Variants in TBC1D22A observed in about 807,000 individuals in gnomAD.
The protein encoded by TBC1D22A is TBC1 domain family member 22A.
TBC1D22A carries 38 observed loss-of-function variants against 60.2 expected under a neutral mutation model. The ratio of observed to expected loss-of-function variants is 0.63; its 90% CI spans 0.49 to 0.83. TBC1D22A has a LOEUF of 0.83. Among genes scored for constraint, TBC1D22A ranks in the 40% least tolerant of loss-of-function variants. TBC1D22A has a pLI of 0.00. For synonymous variants in TBC1D22A, 302 were observed against 281.7 expected (o/e 1.07, Z -0.72); for missense variants, 628 against 701.0 (o/e 0.90, Z 1.18).
At chr22:46,941,105 GCATACACACACACACACACA>G (rs2072000570) in intron 8 of TBC1D22A, among the ~76,000 whole-genome samples, 1 of 56,676 alleles carries the variant, frequency 1.8e-5, no homozygotes, top group African/African-American at 7.6e-5. Flanking sequence ...TGGGGCACTA[GCATACACACACACACACACA>G]CACACACACA....
chr22:46,846,911 C>CA (rs1446055119), intron 4 of TBC1D22A, among the ~76,000 whole-genome samples: 5 of 152,190 alleles, frequency 3.3e-5, no homozygotes, highest in Non-Finnish European at 7.4e-5. Context: ...ATACATTCCA[C>CA]AAAAAACAAA....
At chr22:47,119,574 G>A (rs1002835700) in intron 12 of TBC1D22A, among the ~76,000 whole-genome samples, 2 of 151,212 alleles carry the variant, frequency 1.3e-5, no homozygotes, top group African/African-American at 4.9e-5. Context: ...TCGGCTCGCT[G>A]CAGCCTCCAC....
chr22:46,769,196 G>C (rs992796435), intron 1 of TBC1D22A, among the ~76,000 whole-genome samples: 1 of 152,066 alleles, frequency 6.6e-6, no homozygotes, highest in Non-Finnish European at 1.5e-5. Context: ...GAGCACAAGA[G>C]GGTTCTTAGT....
chr22:46,913,542 G>C lies in TBC1D22A; in HGVS notation c.1015+1354G>C, dbSNP rs779861108. ...CTAAGCAACTAATGAGAGCTGCCTCGGCTCACTCCCTAATCATCTCTTAAG... is the reference window on the plus strand; with the variant it reads ...CTAAGCAACTAATGAGAGCTGCCTCCGCTCACTCCCTAATCATCTCTTAAG... On this transcript the variant is annotated intron_variant, in intron 8 of 12. Transcript: ENST00000337137. 13 of 1,231,918 alleles carry C rather than the reference G, an allele frequency of 1.1e-5. No individual in the cohort carries two copies. In the African/African-American group the frequency reaches 1.4e-4, roughly 13 times the overall value. The allele number at this position is 1,231,918 out of a possible 1,614,324, so 76.3% of individuals were successfully genotyped here.
intron 11 of TBC1D22A, among the ~76,000 whole-genome samples, chr22:47,078,715 A>G (rs1411032451): frequency 6.6e-6 from 1 of 152,252 alleles, no homozygotes; most frequent in Non-Finnish European, 1.5e-5. Flanking sequence ...TGTCTGCTGC[A>G]CTACCTGTGG....
intron 12 of TBC1D22A, among the ~76,000 whole-genome samples, chr22:47,145,970 T>G (rs907482805): frequency 5.4e-5 from 8 of 148,966 alleles, no homozygotes; most frequent in Non-Finnish European, 1.0e-4. Flanking sequence ...GGCACGGGGA[T>G]GCACTGGATT....
chr22:47,111,702 G>A, intron 12 of TBC1D22A, 99 bp downstream of exon 12: 1 of 1,105,994 alleles, frequency 9.0e-7, no homozygotes. Flanking sequence ...GAAGAGTTTT[G>A]AGAAGCGCTG....
intron 8 of TBC1D22A, among the ~76,000 whole-genome samples, chr22:46,923,319 C>G (rs2070862266): frequency 6.6e-6 from 1 of 152,262 alleles, no homozygotes; most frequent in Non-Finnish European, 1.5e-5. Flanking sequence ...TCTCTACTTT[C>G]TCTGCTCCCA....
At chr22:46,818,341 GGTAT>G (rs1161870257) in intron 4 of TBC1D22A, among the ~76,000 whole-genome samples, 2 of 152,190 alleles carry the variant, frequency 1.3e-5, no homozygotes, top group African/African-American at 4.8e-5. Context: ...TGTCCTGAAT[GGTAT>G]TGCCTAGGTT....
chr22:46,800,809 T>C (rs1252615198), intron 4 of TBC1D22A, among the ~76,000 whole-genome samples: 1 of 152,238 alleles, frequency 6.6e-6, no homozygotes, highest in Non-Finnish European at 1.5e-5. Flanking sequence ...ACGTATATGG[T>C]CACTTTTGTG....
At chr22:47,062,647 T>C (rs1015807720) in intron 11 of TBC1D22A, among the ~76,000 whole-genome samples, 2 of 152,104 alleles carry the variant, frequency 1.3e-5, no homozygotes, top group East Asian at 1.9e-4. Context: ...TGGAAAAGAC[T>C]AGGAACACGA....
At chr22:46,980,478 C>T (rs73482693) in intron 9 of TBC1D22A, among the ~76,000 whole-genome samples, 3,961 of 152,254 alleles carry the variant, frequency 0.026, 92 homozygotes, top group African/African-American at 0.064. Context: ...CCACTGTGCC[C>T]GGCTAGAAAT....
chr22:47,047,043 T>G (rs1431966241), intron 11 of TBC1D22A, among the ~76,000 whole-genome samples: 1 of 152,274 alleles, frequency 6.6e-6, no homozygotes, highest in African/African-American at 2.4e-5. Flanking sequence ...CTTGTCTAAC[T>G]GCTTTAGGCC....
chr22:47,029,951 G>A (rs2062412825), intron 10 of TBC1D22A, among the ~76,000 whole-genome samples: 1 of 152,258 alleles, frequency 6.6e-6, no homozygotes. Context: ...GCAGTGAGCG[G>A]TTCTTGGTGT....
chr22:46,973,854 T>C (rs1445564985), intron 8 of TBC1D22A, among the ~76,000 whole-genome samples: 1 of 152,242 alleles, frequency 6.6e-6, no homozygotes, highest in African/African-American at 2.4e-5. Context: ...ATTTACCCAG[T>C]GCAGTTTTGG....
At chr22:47,154,842 C>T (rs2067648424) in intron 12 of TBC1D22A, among the ~76,000 whole-genome samples, 1 of 152,222 alleles carries the variant, frequency 6.6e-6, no homozygotes. Context: ...GCCTGGCAGA[C>T]CTGGCCTTGT....
chr22:47,000,739 C>T (rs1033446094), intron 10 of TBC1D22A, among the ~76,000 whole-genome samples: 1 of 151,516 alleles, frequency 6.6e-6, no homozygotes. Flanking sequence ...GTAGGAGGAA[C>T]GTGCGTTTTC....
chr22:46,891,356 T>G lies in TBC1D22A; in HGVS notation c.799T>G (p.Ser267Ala). 6.2e-7 allele frequency: 1 copy of G among 1,612,924 alleles called. No individual in the cohort carries two copies. Among genetic ancestry groups the G allele is most frequent in the Non-Finnish European group, 8.5e-7 (1 of 1,179,630 alleles). The stretch of plus-strand genomic sequence containing the variant: ...TGCATTTATTGAGCACTATTACGAT[T>G]CTAGGAACGACGAAGTTCACCAGGA... Reference protein sequence around the residue: ...YFAFIEHYYDSRNDEVHQDTY... With the variant: ...YFAFIEHYYDARNDEVHQDTY... Residue 267 changes from serine to alanine, a missense_variant, in exon 6 of 13, where the codon TCT becomes GCT. Physicochemically the swap from Ser to Ala is moderately conservative, Grantham distance 99. Transcript: ENST00000337137.
At chr22:47,161,495 C>T (rs2067983593) in intron 12 of TBC1D22A, among the ~76,000 whole-genome samples, 1 of 152,224 alleles carries the variant, frequency 6.6e-6, no homozygotes, top group Non-Finnish European at 1.5e-5. Flanking sequence ...ACCAAAATTG[C>T]CTTCAACACA....
Sources: gnomAD v4.1 joint callset for allele counts (sites outside exome capture counted in the v4.1 genomes callset) on GRCh38, gnomAD v4.1.1 for gene constraint, MANE v1.5 for transcripts, NCBI Gene and HGNC (gene_info 2026-07-23, HGNC 2026-07-21) for gene names.